Variants in PATJ observed in about 807,000 individuals in gnomAD.
The protein encoded by PATJ is inaD-like protein.
In PATJ, 190 loss-of-function variants were observed where a neutral mutation model predicts 224.9. The observed-to-expected ratio is 0.84, with a 90% CI of 0.75 to 0.95. The LOEUF is 0.95. PATJ is among the 40% of genes least tolerant of loss of function. The probability of loss-of-function intolerance (pLI) is 0.00; values close to 1 mark genes in which losing one functional copy is unlikely to be tolerated. For synonymous variants in PATJ, 769 were observed against 820.3 expected (o/e 0.94, Z 1.07); for missense variants, 2,121 against 2,270.3 (o/e 0.93, Z 1.34).
chr1:61,757,676 A>G (rs1645728138), intron 1 of PATJ, among the ~76,000 whole-genome samples: 1 of 152,196 alleles, frequency 6.6e-6, no homozygotes, highest in African/African-American at 2.4e-5. Flanking sequence ...ATGAGCCACT[A>G]TGCCTGGCTC....
chr1:61,771,669 C>T (rs776849800), intron 6 of PATJ, 43 bp downstream of exon 6: 1 of 1,364,172 alleles, frequency 7.3e-7, no homozygotes, highest in Non-Finnish European at 1.0e-6. Context: ...TGAATAATGC[C>T]ATTGATCGTA....
intron 28 of PATJ, among the ~76,000 whole-genome samples, chr1:61,994,568 T>C (rs200096501): frequency 3.0e-4 from 46 of 152,148 alleles, no homozygotes; most frequent in Middle Eastern, 3.4e-3. Flanking sequence ...TTTTTTTTTT[T>C]CCCAAGACAG....
chr1:62,130,944 A>C (rs573993734), intron 41 of PATJ, among the ~76,000 whole-genome samples: 11 of 152,332 alleles, frequency 7.2e-5, no homozygotes, highest in African/African-American at 2.4e-4. Context: ...AGACATTTAA[A>C]AAGTAAGTGG....
chr1:62,053,599 A>G (rs1654027148), intron 31 of PATJ, among the ~76,000 whole-genome samples: 1 of 152,252 alleles, frequency 6.6e-6, no homozygotes, highest in Admixed American at 6.5e-5. Context: ...CATGCCTGTA[A>G]TCCCAGCTAC....
rs71050167 is a variant in PATJ at position 61,812,433 on chromosome 1, A to AGTGTGTGTGTGTGTGTGT, written c.1683+3921_1683+3938dup. 1.8e-3 allele frequency among the ~76,000 whole-genome samples: 150 copies of AGTGTGTGTGTGTGTGTGT among 85,060 alleles called. 1 individual carries two copies. The highest frequency in any genetic ancestry group is 7.5e-3 in the Admixed American group (63 of 8,374). The allele number at this position is 85,060 out of a possible 152,430, so 55.8% of individuals were successfully genotyped here. A position where few individuals can be genotyped will look rare whatever the true frequency, so the allele number is the denominator to read the frequency against. ...GAGAGAGAGAGAGAGAGAGAGAGAGAGTGTGTGTGTGTGTGTGTGTGTGTG... is the reference window on the plus strand; with the variant it reads ...GAGAGAGAGAGAGAGAGAGAGAGAGAGTGTGTGTGTGTGTGTGTGTGTGTGTGTGTGTGTGTGTGTGTG... On this transcript the variant is annotated intron_variant, in intron 14 of 43. Coordinates refer to ENST00000642238, the MANE Select transcript of PATJ (RefSeq NM_001350145.3).
intron 37 of PATJ, among the ~76,000 whole-genome samples, chr1:62,119,712 G>A (rs992510202): frequency 2.0e-5 from 3 of 152,146 alleles, no homozygotes; most frequent in African/African-American, 7.2e-5. Flanking sequence ...GTTCGAGGCG[G>A]GCAGATCACT....
intron 17 of PATJ, among the ~76,000 whole-genome samples, chr1:61,839,772 TCTC>T (rs1007944069): frequency 2.0e-5 from 3 of 152,182 alleles, no homozygotes; most frequent in South Asian, 2.1e-4. Flanking sequence ...AACCAATAAT[TCTC>T]CTCCCTCCTA....
At chr1:61,810,743 T>C (rs1977736) in intron 14 of PATJ, among the ~76,000 whole-genome samples, 12,696 of 138,678 alleles carry the variant, frequency 0.092, 687 homozygotes, top group Non-Finnish European at 0.13. Flanking sequence ...AATAAATAAA[T>C]AAACCCAGTC....
At chr1:61,954,474 G>GAT (rs1288299749) in intron 27 of PATJ, among the ~76,000 whole-genome samples, 1 of 152,034 alleles carries the variant, frequency 6.6e-6, no homozygotes, top group Non-Finnish European at 1.5e-5. Context: ...TTTTAGGTTT[G>GAT]ATATATATAA....
At position 61,990,306 on chromosome 1, in the gene PATJ, A is replaced by T. The variant is rs887846134; in HGVS notation, c.3809A>T (p.Asn1270Ile). 6.2e-7 allele frequency: 1 copy of T among 1,613,710 alleles called. No individual in the cohort carries two copies. Among genetic ancestry groups the T allele is most frequent in the Non-Finnish European group, 8.5e-7 (1 of 1,179,928 alleles). Residue 1270 changes from asparagine to isoleucine, a missense_variant, in exon 28 of 44, where the codon AAC becomes ATC. Transcript: ENST00000642238. The part of the protein sequence containing the change: ...SRMSIFVVGI[N>I]PEGPAAADGR... ...ATGAGCATATTTGTGGTGGGAATTA[A>T]CCCGGAAGGACCTGCTGCCGCAGAT...
In PATJ at chr1:61,789,173, G is replaced by T. The variant is rs111388924; in HGVS notation, c.1068+1201G>T. Among the ~76,000 whole-genome samples the T allele has an allele frequency of 9.6e-3, 1,452 of 151,974 alleles. 21 individuals are homozygous for T. The highest frequency in any genetic ancestry group is 0.033 in the African/African-American group (1,379 of 41,490). ...AAAATATAAAAATTAGCCAGATGTGGCACACACCTGTAGTCCCAGCTACTT... is the reference window on the plus strand; with the variant it reads ...AAAATATAAAAATTAGCCAGATGTGTCACACACCTGTAGTCCCAGCTACTT... On this transcript the variant is annotated intron_variant, in intron 8 of 43. Transcript: ENST00000642238.
intron 33 of PATJ, among the ~76,000 whole-genome samples, chr1:62,106,081 C>T (rs12563268): frequency 0.083 from 1,212 of 14,646 alleles, 41 homozygotes; most frequent in African/African-American, 0.12. Context: ...TATATATATA[C>T]ACACACACAC....
intron 29 of PATJ, among the ~76,000 whole-genome samples, chr1:62,031,176 C>T (rs1321265456): frequency 6.6e-6 from 1 of 152,144 alleles, no homozygotes; most frequent in Non-Finnish European, 1.5e-5. Flanking sequence ...ATTCACGTAC[C>T]CAGGCAGCAG....
intron 31 of PATJ, among the ~76,000 whole-genome samples, chr1:62,059,837 G>A (rs1434821510): frequency 6.6e-6 from 1 of 152,092 alleles, no homozygotes; most frequent in Non-Finnish European, 1.5e-5. Context: ...AACATATACA[G>A]GAGTCAGAAT....
At chr1:61,803,568 A>G (rs1361152104) in intron 12 of PATJ, among the ~76,000 whole-genome samples, 1 of 152,200 alleles carries the variant, frequency 6.6e-6, no homozygotes, top group Non-Finnish European at 1.5e-5. Flanking sequence ...AGGAATACAA[A>G]AAGCCAATAA....
Position 62,160,972 on chromosome 1 carries a change from C to G in PATJ, c.5567C>G (p.Thr1856Ser), listed in dbSNP as rs1669786046. 2 of 1,613,486 alleles carry G rather than the reference C, an allele frequency of 1.2e-6. No homozygotes were observed. Among genetic ancestry groups the G allele is most frequent in the South Asian group, 1.1e-5 (1 of 90,976 alleles). The change falls in exon 44 of 44, where the codon ACC becomes AGC. Residue 1856 changes from threonine (T) to serine (S), a missense_variant. Physicochemically the swap from Thr to Ser is moderately conservative, Grantham distance 58. Transcript: ENST00000642238. ...CAGATTTTAGCTGTTAATGGCGAGA[C>G]CCTGGAAGGTGTTACTCATGAGCAA... ...GDQILAVNGETLEGVTHEQAV... is the reference protein window; with the variant it reads ...GDQILAVNGESLEGVTHEQAV...
rs1669959545 is a variant in PATJ, at chr1:62,163,177, A to G, written c.*2123A>G. 1.3e-5 allele frequency: 2 copies of G among 158,628 alleles called. No homozygotes were observed. The highest frequency in any genetic ancestry group is 1.3e-4 in the Admixed American group (2 of 15,316). The allele number at this position is 158,628 out of a possible 1,614,324, so 9.8% of individuals were successfully genotyped here. On this transcript the variant is annotated 3_prime_UTR_variant, in exon 44 of 44. Transcript: ENST00000642238. ...TGTTGGAATATTTTATGGCTATTCC[A>G]AAGTATAGAGTGCCTAAATTTTGTG...
chr1:61,802,693 C>T (rs866410085), intron 12 of PATJ, among the ~76,000 whole-genome samples: 8 of 152,146 alleles, frequency 5.3e-5, no homozygotes, highest in Middle Eastern at 6.8e-3. Flanking sequence ...GTATGCATTT[C>T]TATAAGTTGC....
rs1381783980 is a variant in PATJ at position 62,121,338 on chromosome 1, A to G, written c.5005+43A>G. ...CCAGAGCAAAACTATCCTGTTACCC[A>G]AATTAAAAAAAAAAAATGTGTTTTT... On this transcript the variant is annotated intron_variant, in intron 38 of 43. Coordinates refer to ENST00000642238, the MANE Select transcript of PATJ (RefSeq NM_001350145.3). 2.9e-6 allele frequency: 3 copies of G among 1,034,862 alleles called. No individual in the cohort carries two copies. The African/African-American group carries it at 9.3e-5, about 32-fold the overall frequency. 64.1% of individuals were successfully genotyped at this position (1,034,862 alleles called of 1,614,324 possible). A position where few individuals can be genotyped will look rare whatever the true frequency, so the allele number is the denominator to read the frequency against.
Sources: gnomAD v4.1 joint callset for allele counts (sites outside exome capture counted in the v4.1 genomes callset) on GRCh38, gnomAD v4.1.1 for gene constraint, MANE v1.5 for transcripts, NCBI Gene and HGNC (gene_info 2026-07-23, HGNC 2026-07-21) for gene names.